The following STAG3 variants were observed in gnomAD, a reference collection of about 807,000 sequenced individuals.
STAG3 encodes the protein cohesin subunit SA-3.
In STAG3, 101 loss-of-function variants were observed where a neutral mutation model predicts 160.7. The observed-to-expected ratio is 0.63, with a 90% CI of 0.54 to 0.74. STAG3 has a LOEUF of 0.74. Among genes scored for constraint, STAG3 ranks in the 30% least tolerant of loss-of-function variants. The probability of loss-of-function intolerance (pLI) is 0.00; values close to 1 mark genes in which losing one functional copy is unlikely to be tolerated. For synonymous variants in STAG3, 519 were observed against 585.0 expected (o/e 0.89, Z 1.63); for missense variants, 1,188 against 1,517.4 (o/e 0.78, Z 3.61).
Position 100,205,118 on chromosome 7 carries a change from A to C in STAG3, c.3065A>C (p.Gln1022Pro), listed in dbSNP as rs2117396975. 4 of 1,614,176 alleles carry C rather than the reference A, an allele frequency of 2.5e-6. No individual in the cohort carries two copies. The East Asian group carries it at 8.9e-5, about 36-fold the overall frequency. ...LSEFSPRLFH[Q>P]DKQLLLSYLE... ...GAGTTTTCCCCCCGACTCTTCCATC[A>C]GGACAAGCAGCTTTTGTAAGTTGGT... The change falls in exon 28 of 34, where the codon CAG becomes CCG. Residue 1022 changes from glutamine to proline, a missense_variant. Physicochemically the swap from Gln to Pro is moderately conservative, Grantham distance 76. This residue lies in a region of STAG3 where 647 missense variants were observed against 717.2 expected (regional missense o/e 0.90). Coordinates refer to ENST00000615138, the MANE Select transcript of STAG3 (RefSeq NM_001282717.2).
In STAG3 at chr7:100,199,274, G is replaced by T. The variant is rs10260215; in HGVS notation, c.1480G>T (p.Ala494Ser). 1.2e-6 allele frequency: 2 copies of T among 1,613,654 alleles called. No homozygotes were observed. Among genetic ancestry groups the T allele is most frequent in the Admixed American group, 3.3e-5 (2 of 60,030 alleles). ...CGTTCTCCCCTAGCTCCATGACCACGCTGCTTACTTAGTAGACAGTCTGTG... is the reference window on the plus strand; with the variant it reads ...CGTTCTCCCCTAGCTCCATGACCACTCTGCTTACTTAGTAGACAGTCTGTG... The part of the protein sequence containing the change: ...FFVESELHDH[A>S]AYLVDSLWDC... Residue 494 changes from alanine (A) to serine (S), a missense_variant, in exon 15 of 34, where the codon GCT becomes TCT. Physicochemically the swap from Ala to Ser is moderately conservative, Grantham distance 99. Transcript: ENST00000615138.
chr7:100,196,490 GT>G (rs1261602925), intron 9 of STAG3, among the ~76,000 whole-genome samples: 1 of 152,036 alleles, frequency 6.6e-6, no homozygotes, highest in Non-Finnish European at 1.5e-5. Context: ...TTCAAAATTG[GT>G]TTTTAAAAGA....
intron 16 of STAG3, 27 bp from the exon 17 acceptor site, chr7:100,200,209 C>T (rs1310850058): frequency 1.9e-6 from 3 of 1,585,388 alleles, no homozygotes; most frequent in Non-Finnish European, 2.6e-6. Flanking sequence ...TTACACCTCC[C>T]CCACCCCCAA....
intron 32 of STAG3, chr7:100,213,128 C>T (rs185329956): frequency 1.9e-4 from 36 of 188,186 alleles, no homozygotes; most frequent in Non-Finnish European, 3.2e-4. Flanking sequence ...CTAGTTGTAT[C>T]CTCACCTGGA....
At chr7:100,215,328 CTT>C (rs1350184469), downstream of STAG3, 1 of 152,234 alleles carries the variant, frequency 6.6e-6, no homozygotes, top group African/African-American at 2.4e-5. Flanking sequence ...CACCTCGCCC[CTT>C]TCATTCTCCC....
intron 9 of STAG3, among the ~76,000 whole-genome samples, chr7:100,196,129 C>CAAAAAAAGA (rs1167893125): frequency 1.3e-5 from 2 of 149,432 alleles, no homozygotes; most frequent in African/African-American, 4.9e-5. Context: ...AACTCCATCT[C>CAAAAAAAGA]AAAAAAAGAA....
chr7:100,209,113 G>T (rs895834734), intron 29 of STAG3, among the ~76,000 whole-genome samples: 1 of 152,158 alleles, frequency 6.6e-6, no homozygotes, highest in Non-Finnish European at 1.5e-5. Flanking sequence ...CATATTTAGA[G>T]GTTAACTGAC....
At chr7:100,180,436 AG>A (rs1371498556) in intron 1 of STAG3, 56 bp from the exon 2 acceptor site, 1 of 691,678 alleles carries the variant, frequency 1.4e-6, no homozygotes, top group African/African-American at 1.8e-5. Flanking sequence ...GGGACTGGTC[AG>A]GGCTGGGGAT....
chr7:100,178,596 ATT>A (rs1250855466), intron 1 of STAG3, among the ~76,000 whole-genome samples: 1 of 131,330 alleles, frequency 7.6e-6, no homozygotes, highest in Non-Finnish European at 1.6e-5. Context: ...TTTCCATTTA[ATT>A]TTTTTTTTTT....
intron 32 of STAG3, 36 bp downstream of exon 32, chr7:100,211,912 T>C: frequency 2.5e-6 from 4 of 1,597,686 alleles, no homozygotes; most frequent in Non-Finnish European, 3.4e-6. Flanking sequence ...TCTCAAGAAC[T>C]AGGGGCTGAT....
At position 100,183,754 on chromosome 7, in the gene STAG3, G is replaced by C. The variant is rs571115228; in HGVS notation, c.336+915G>C. Among the ~76,000 whole-genome samples the C allele has an allele frequency of 1.2e-3, 185 of 152,294 alleles. 2 individuals are homozygous for C. Among genetic ancestry groups the C allele is most frequent in the Non-Finnish European group, 2.1e-3 (143 of 68,028 alleles). ...TCTCTCATTATAGTGTTACCACTAT[G>C]AATATGTTCTTTAATTATGTAAATG... On this transcript the variant is annotated intron_variant, in intron 4 of 33. Transcript: ENST00000615138.
In STAG3 at chr7:100,211,888, A is replaced by G. The variant is rs746784014; in HGVS notation, c.3600+12A>G. 2 of 1,612,772 alleles carry G rather than the reference A, an allele frequency of 1.2e-6. No individual in the cohort carries two copies. The highest frequency in any genetic ancestry group is 2.7e-5 in the African/African-American group (2 of 74,848). On this transcript the variant is annotated intron_variant, in intron 32 of 33. Transcript: ENST00000615138. ...AGGATACAGACATGGTGAGTAGACCACCCTGCCCTTCTCTCTCAAGAACTA... is the reference window on the plus strand; with the variant it reads ...AGGATACAGACATGGTGAGTAGACCGCCCTGCCCTTCTCTCTCAAGAACTA...
In STAG3 at chr7:100,202,185, T is replaced by C. The variant is rs796808157; in HGVS notation, c.2408T>C (p.Leu803Ser). 6.2e-7 allele frequency: 1 copy of C among 1,613,424 alleles called. No homozygotes were observed. Among genetic ancestry groups the C allele is most frequent in the South Asian group, 1.1e-5 (1 of 90,974 alleles). The change falls in exon 24 of 34, where the codon TTA becomes TCA. Residue 803 changes from leucine to serine, a missense_variant. Leu to Ser is a moderately radical substitution (Grantham distance 145). This residue lies in a region of STAG3 where 647 missense variants were observed against 717.2 expected (regional missense o/e 0.90). Coordinates refer to ENST00000615138, the MANE Select transcript of STAG3 (RefSeq NM_001282717.2). ...TTCCCCCTACAGGCTTTTGTCTTAT[T>C]AAGTGATCTACTTCTCATCTTTAGC... Reference protein sequence around the residue: ...TEIQEQAFVLLSDLLLIFSPQ... With the variant: ...TEIQEQAFVLSSDLLLIFSPQ...
rs780404562 is a variant in STAG3, at chr7:100,198,156, C to A, written c.1234C>A (p.Leu412Ile). 3.7e-6 allele frequency: 6 copies of A among 1,613,910 alleles called. No individual in the cohort carries two copies. Among genetic ancestry groups the A allele is most frequent in the Non-Finnish European group, 5.1e-6 (6 of 1,179,820 alleles). Reference sequence around the variant, plus strand: ...AGTGGAGGCTGTCAGATTACTGATACTTATCCTTAAGTGAGTCCTGGGAAG... The same window carrying A: ...AGTGGAGGCTGTCAGATTACTGATAATTATCCTTAAGTGAGTCCTGGGAAG... ...VAVEAVRLLI[L>I]ILKNMEGVLT... Residue 412 changes from leucine to isoleucine, a missense_variant, in exon 12 of 34, where the codon CTT becomes ATT. Leu to Ile is a conservative substitution (Grantham distance 5). Coordinates refer to ENST00000615138, the MANE Select transcript of STAG3 (RefSeq NM_001282717.2).
At chr7:100,195,696 A>T (rs1414044707) in intron 9 of STAG3, among the ~76,000 whole-genome samples, 1 of 152,204 alleles carries the variant, frequency 6.6e-6, no homozygotes, top group Admixed American at 6.5e-5. Context: ...TGAGGATAAG[A>T]GCAGAGAATA....
rs758517741 is a variant in STAG3, at chr7:100,201,811, T to C, written c.2246T>C (p.Val749Ala). 1.1e-5 allele frequency: 17 copies of C among 1,614,072 alleles called. No homozygotes were observed. The East Asian group carries it at 3.8e-4, about 36-fold the overall frequency. ...GTTATCCTGCCAGCCTTGACTCTTG[T>C]CTATTTTTCCATTCTCTGGACACTA... ...HQVILPALTLVYFSILWTLTH... is the reference protein window; with the variant it reads ...HQVILPALTLAYFSILWTLTH... Residue 749 changes from valine to alanine, a missense_variant, in exon 22 of 34, where the codon GTC becomes GCC. This residue lies in a region of STAG3 where 647 missense variants were observed against 717.2 expected (regional missense o/e 0.90). Coordinates refer to ENST00000615138, the MANE Select transcript of STAG3 (RefSeq NM_001282717.2).
At position 100,210,437 on chromosome 7, in the gene STAG3, A is replaced by G. The variant is rs952210232; in HGVS notation, c.3239-574A>G. On this transcript the variant is annotated intron_variant, in intron 29 of 33. Transcript: ENST00000615138. The stretch of plus-strand genomic sequence containing the variant: ...CTACCTTCTCCAATCTCTGCAGGAG[A>G]TAAGTCCCCCTTCATATCATATCAG... Among the ~76,000 whole-genome samples the G allele has an allele frequency of 2.0e-5, 3 of 152,088 alleles. 1 individual carries two copies. Among genetic ancestry groups the G allele is most frequent in the South Asian group, 4.1e-4 (2 of 4,824 alleles).
chr7:100,203,069 T>C (rs1181233219), intron 25 of STAG3, among the ~76,000 whole-genome samples: 1 of 152,180 alleles, frequency 6.6e-6, no homozygotes, highest in African/African-American at 2.4e-5. Flanking sequence ...GGAGCTTCCA[T>C]TGTAGTTGGG....
In STAG3 at chr7:100,180,691, G is replaced by A. The variant is rs1483540807; in HGVS notation, c.116+19G>A. 4.2e-6 allele frequency: 6 copies of A among 1,440,524 alleles called. No homozygotes were observed. Among genetic ancestry groups the A allele is most frequent in the Non-Finnish European group, 5.9e-6 (6 of 1,020,984 alleles). 89.2% of individuals were successfully genotyped at this position (1,440,524 alleles called of 1,614,324 possible). A position where few individuals can be genotyped will look rare whatever the true frequency, so the allele number is the denominator to read the frequency against. On this transcript the variant is annotated intron_variant, in intron 2 of 33. Coordinates refer to ENST00000615138, the MANE Select transcript of STAG3 (RefSeq NM_001282717.2). ...CAGAGGGGTAAGTAGATGTTGCATT[G>A]TGTGGCCACTTCCTGTGTCCCTGGC...
Sources: allele counts gnomAD v4.1 joint callset (sites outside exome capture counted in the v4.1 genomes callset), GRCh38; gene constraint gnomAD v4.1.1; regional missense constraint gnomAD v4.1.1; transcripts MANE v1.5; gene names NCBI Gene and HGNC (gene_info 2026-07-23, HGNC 2026-07-21).